The following BMPER variants were observed in gnomAD, a reference collection of about 807,000 sequenced individuals.
The protein encoded by BMPER is BMP-binding endothelial regulator protein.
BMPER carries 45 observed loss-of-function variants against 87.3 expected under a neutral mutation model. That is an observed-to-expected ratio of 0.52 (90% CI 0.41 to 0.66). The LOEUF is 0.66. Ranked by LOEUF, BMPER falls within the 30% of genes least tolerant of loss-of-function variation. The probability of loss-of-function intolerance (pLI) is 0.00; values close to 1 mark genes in which losing one functional copy is unlikely to be tolerated. For missense variants in BMPER, 784 were observed against 867.5 expected, an observed-to-expected ratio of 0.90 and a Z score of 1.21; for synonymous variants, 326 against 316.2, an observed-to-expected ratio of 1.03 and a Z score of -0.33.
At chr7:33,999,305 T>A (rs1320582692) in intron 6 of BMPER, among the ~76,000 whole-genome samples, 2 of 152,178 alleles carry the variant, frequency 1.3e-5, no homozygotes, top group Non-Finnish European at 2.9e-5. Context: ...GTCAAGAAGA[T>A]CTTGCAGCTA....
intron 6 of BMPER, among the ~76,000 whole-genome samples, chr7:34,030,336 C>T (rs886321896): frequency 2.6e-5 from 4 of 152,022 alleles, no homozygotes; most frequent in African/African-American, 9.7e-5. Context: ...ATTGTGTTTC[C>T]CTTTATATCA....
chr7:33,953,371 C>T (rs1365889), intron 3 of BMPER, among the ~76,000 whole-genome samples: 14,739 of 152,222 alleles, frequency 0.097, 914 homozygotes, highest in Middle Eastern at 0.16. Flanking sequence ...GAAAAGAAGA[C>T]AGGACTTGGA....
chr7:34,097,899 G>T (rs143388559), intron 13 of BMPER, among the ~76,000 whole-genome samples: 2 of 152,174 alleles, frequency 1.3e-5, no homozygotes, highest in East Asian at 3.9e-4. Flanking sequence ...TGGTTAAAAG[G>T]GTTAGGAGCT....
Position 34,134,785 on chromosome 7 carries a change from A to T in BMPER, c.1746-8445A>T, listed in dbSNP as rs148161197. 8.6e-4 allele frequency among the ~76,000 whole-genome samples: 131 copies of T among 152,302 alleles called. 1 individual carries two copies. Among genetic ancestry groups the T allele is most frequent in the African/African-American group, 2.8e-3 (118 of 41,558 alleles). On this transcript the variant is annotated intron_variant, in intron 13 of 14. Transcript: ENST00000649409. ...GATATATGGCCTTATCAAGGGAGAA[A>T]ATATTTTAGATTCCATACATGCGTG...
At chr7:33,966,368 C>T (rs1785406034) in intron 3 of BMPER, 111 bp from the exon 4 acceptor site, 1 of 894,878 alleles carries the variant, frequency 1.1e-6, no homozygotes, top group African/African-American at 1.6e-5. Flanking sequence ...CATGGTGGTT[C>T]CTTTGATCGC....
Position 33,916,655 on chromosome 7 carries a change from T to G in BMPER, c.219+9752T>G, listed in dbSNP as rs114161579. Among the ~76,000 whole-genome samples the G allele has an allele frequency of 7.0e-3, 1,063 of 152,328 alleles. 7 individuals carry two copies. Among genetic ancestry groups the G allele is most frequent in the African/African-American group, 9.3e-3 (388 of 41,566 alleles). On this transcript the variant is annotated intron_variant, in intron 2 of 14. Transcript: ENST00000649409. The stretch of plus-strand genomic sequence containing the variant: ...ACTCCTCTAAGAGCCTGCTGCTGCT[T>G]CTTCTTGGTAATAGCATGTTCTGCC...
chr7:34,023,594 C>T (rs1193608153), intron 6 of BMPER, among the ~76,000 whole-genome samples: 1 of 151,990 alleles, frequency 6.6e-6, no homozygotes, highest in East Asian at 1.9e-4. Flanking sequence ...TTTAAATCAT[C>T]TTCAAATCTT....
intron 7 of BMPER, among the ~76,000 whole-genome samples, chr7:34,049,495 G>A (rs1320355592): frequency 6.6e-6 from 1 of 152,140 alleles, no homozygotes; most frequent in East Asian, 1.9e-4. Flanking sequence ...CCGCTATAAT[G>A]GTAGTATAGG....
intron 6 of BMPER, among the ~76,000 whole-genome samples, chr7:34,000,161 T>A (rs924734366): frequency 1.3e-5 from 2 of 152,200 alleles, no homozygotes; most frequent in African/African-American, 4.8e-5. Flanking sequence ...TTAGGAACAG[T>A]GTGACCAAAT....
At chr7:33,984,666 T>G (rs1342925448) in intron 6 of BMPER, among the ~76,000 whole-genome samples, 1 of 152,232 alleles carries the variant, frequency 6.6e-6, no homozygotes, top group African/African-American at 2.4e-5. Flanking sequence ...TTGAAGTTAC[T>G]TTCTCTTATC....
intron 3 of BMPER, among the ~76,000 whole-genome samples, chr7:33,946,497 C>T (rs1784898197): frequency 6.6e-6 from 1 of 152,208 alleles, no homozygotes; most frequent in Admixed American, 6.5e-5. Context: ...AAGGTTCTGG[C>T]ACACACAAAG....
At chr7:34,004,037 G>A (rs1786659780) in intron 6 of BMPER, among the ~76,000 whole-genome samples, 1 of 152,066 alleles carries the variant, frequency 6.6e-6, no homozygotes, top group Non-Finnish European at 1.5e-5. Context: ...TCTTTGGCAT[G>A]TTAGTACACT....
At chr7:34,072,852 G>T (rs1200432846) in intron 11 of BMPER, among the ~76,000 whole-genome samples, 1 of 152,122 alleles carries the variant, frequency 6.6e-6, no homozygotes, top group Non-Finnish European at 1.5e-5. Flanking sequence ...TAGTAGGGTA[G>T]GTTATCCCTA....
Position 33,937,281 on chromosome 7 carries a change from T to C in BMPER, c.220-8T>C. ...TATTTCAAATCTCTCGTGTCTCTTT[T>C]TGTCTAGAACAAGGAAGTGACATGT... On this transcript the variant is annotated splice_region_variant and splice_polypyrimidine_tract_variant and intron_variant, in intron 2 of 14. Coordinates refer to ENST00000649409, the MANE Select transcript of BMPER (RefSeq NM_001365308.1). 1 of 1,612,628 alleles carries C rather than the reference T, an allele frequency of 6.2e-7. No homozygotes were observed. Among genetic ancestry groups the C allele is most frequent in the Non-Finnish European group, 8.5e-7 (1 of 1,178,612 alleles).
intron 13 of BMPER, among the ~76,000 whole-genome samples, chr7:34,126,828 C>T (rs1790414364): frequency 6.6e-6 from 1 of 152,012 alleles, no homozygotes. Flanking sequence ...TTTTTATACA[C>T]CTGGAAAGAG....
intron 3 of BMPER, among the ~76,000 whole-genome samples, chr7:33,943,110 A>T (rs1177553060): frequency 6.6e-6 from 1 of 152,164 alleles, no homozygotes; most frequent in Non-Finnish European, 1.5e-5. Flanking sequence ...TTATTGTACT[A>T]AAAAAGTTAA....
rs889916667 is a variant in BMPER, at chr7:33,941,188, TTA to T, written c.319+3806_319+3807del. On this transcript the variant is annotated intron_variant, in intron 3 of 14. Coordinates refer to ENST00000649409, the MANE Select transcript of BMPER (RefSeq NM_001365308.1). ...ATTATATATTTATATATAATATAAT[TTA>T]TATATGTTAGAAATAAAAATATAAT... Among the ~76,000 whole-genome samples, 786 of 141,512 alleles carry T rather than the reference TTA, an allele frequency of 5.6e-3. 6 individuals carry two copies. Among genetic ancestry groups the T allele is most frequent in the Non-Finnish European group, 8.0e-3 (524 of 65,882 alleles). 92.8% of individuals were successfully genotyped at this position (141,512 alleles called of 152,430 possible).
chr7:34,035,643 T>A (rs964183057), intron 6 of BMPER, among the ~76,000 whole-genome samples: 6 of 152,192 alleles, frequency 3.9e-5, no homozygotes, highest in African/African-American at 1.4e-4. Context: ...TTGAGTTATT[T>A]TCAGCTTTAA....
intron 4 of BMPER, among the ~76,000 whole-genome samples, chr7:33,969,401 T>A (rs1004156738): frequency 4.6e-5 from 7 of 152,298 alleles, no homozygotes; most frequent in East Asian, 1.9e-4. Context: ...TTAATTTATT[T>A]ATTTATTTAT....
Sources: gnomAD v4.1 joint callset for allele counts (sites outside exome capture counted in the v4.1 genomes callset) on GRCh38, gnomAD v4.1.1 for gene constraint, MANE v1.5 for transcripts, NCBI Gene and HGNC (gene_info 2026-07-23, HGNC 2026-07-21) for gene names.